Variants in ZIK1 observed in about 807,000 individuals in gnomAD.
ZIK1 encodes the protein zinc finger protein interacting with ribonucleoprotein K.
Under a neutral mutation model 10.7 loss-of-function variants are expected in ZIK1, and 12 were observed. The ratio of observed to expected loss-of-function variants is 1.12; its 90% CI spans 0.72 to 1.81. The LOEUF (loss-of-function observed/expected upper bound fraction) is 1.81, where lower values mean the gene tolerates loss of function less well. ZIK1 is among the 40% of genes most tolerant of loss of function. The probability of loss-of-function intolerance (pLI) is 0.00; values close to 1 mark genes in which losing one functional copy is unlikely to be tolerated. For synonymous variants in ZIK1, 190 were observed against 205.0 expected, an observed-to-expected ratio of 0.93 and a Z score of 0.63; for missense variants, 497 against 585.7, an observed-to-expected ratio of 0.85 and a Z score of 1.56.
At position 57,590,619 on chromosome 19, in the gene ZIK1, A is replaced by C. The variant is rs1295133781; in HGVS notation, c.808A>C (p.Asn270His). Reference protein sequence around the residue: ...VHTGERPWECNECGKFFSQTS... With the variant: ...VHTGERPWECHECGKFFSQTS... Reference sequence around the variant, plus strand: ...TACTGGAGAAAGGCCTTGGGAGTGCAATGAATGTGGAAAATTCTTTAGCCA... The same window carrying C: ...TACTGGAGAAAGGCCTTGGGAGTGCCATGAATGTGGAAAATTCTTTAGCCA... Residue 270 changes from asparagine to histidine, a missense_variant, in exon 4 of 4, where the codon AAT becomes CAT. Coordinates refer to ENST00000597850, the MANE Select transcript of ZIK1 (RefSeq NM_001010879.4). The C allele has an allele frequency of 1.9e-6, 3 of 1,613,972 alleles. No individual in the cohort carries two copies. In the African/African-American group the frequency reaches 4.0e-5, roughly 22 times the overall value.
chr19:57,586,437 C>T (rs1448792702), intron 2 of ZIK1, among the ~76,000 whole-genome samples: 3 of 152,092 alleles, frequency 2.0e-5, no homozygotes, highest in Admixed American at 1.3e-4. Context: ...GTGGCAGGCA[C>T]CTGTAATCCC....
At chr19:57,586,705 T>C (rs1382579755) in intron 2 of ZIK1, among the ~76,000 whole-genome samples, 3 of 152,198 alleles carry the variant, frequency 2.0e-5, no homozygotes, top group Non-Finnish European at 4.4e-5. Flanking sequence ...GAGGATGATC[T>C]GGTGTATCAG....
At position 57,584,365 on chromosome 19, in the gene ZIK1, G is replaced by T; in HGVS notation, c.9G>T (p.Ala3=). Residue 3 remains alanine (A), a synonymous_variant, in exon 1 of 4, where the codon GCG becomes GCT. Coordinates refer to ENST00000597850, the MANE Select transcript of ZIK1 (RefSeq NM_001010879.4). Reference sequence around the variant, plus strand: ...TCTGCCCACAGACTCCGATGGCTGCGGCCGCGCTGAGGGCCCCGACTCAGG... The same window carrying T: ...TCTGCCCACAGACTCCGATGGCTGCTGCCGCGCTGAGGGCCCCGACTCAGG... MA[A]AALRAPTQVT... is the part of the protein sequence containing the mutation. 6.2e-7 allele frequency: 1 copy of T among 1,603,576 alleles called. No individual in the cohort carries two copies. The highest frequency in any genetic ancestry group is 8.5e-7 in the Non-Finnish European group (1 of 1,175,990).
intron 2 of ZIK1, 97 bp from the exon 3 acceptor site, chr19:57,588,442 C>A: frequency 7.7e-7 from 1 of 1,296,772 alleles, no homozygotes; most frequent in South Asian, 2.6e-5. Flanking sequence ...GCATCTGTGT[C>A]ACCAGGGCCT....
chr19:57,590,488 C>G lies in ZIK1; in HGVS notation c.677C>G (p.Pro226Arg). ...AAGGCTTCCAGGCACAAACACACTC[C>G]TGTTTACCATCCAAGAGTCTACACT... is the stretch of plus-strand genomic sequence containing the variant. ...CGKASRHKHT[P>R]VYHPRVYTGK... Residue 226 changes from proline to arginine, a missense_variant, in exon 4 of 4, where the codon CCT (proline) becomes CGT (arginine). By Grantham distance (103) the Pro-to-Arg change is moderately radical. Transcript: ENST00000597850. The G allele has an allele frequency of 1.2e-6, 2 of 1,613,722 alleles. No individual in the cohort carries two copies. Among genetic ancestry groups the G allele is most frequent in the Non-Finnish European group, 1.7e-6 (2 of 1,179,920 alleles).
At position 57,586,494 on chromosome 19, in the gene ZIK1, C is replaced by T. The variant is rs186152643; in HGVS notation, c.72+1504C>T. On this transcript the variant is annotated intron_variant, in intron 2 of 3. Coordinates refer to ENST00000597850, the MANE Select transcript of ZIK1 (RefSeq NM_001010879.4). The stretch of plus-strand genomic sequence containing the variant: ...AGGAGAATTGCTTGAGCCCAGGAGG[C>T]GGAGGTTGCAGTGAGCCAAGATCAC... 9.8e-3 allele frequency among the ~76,000 whole-genome samples: 1,487 copies of T among 152,138 alleles called. 25 individuals are homozygous for T. The highest frequency in any genetic ancestry group is 0.032 in the African/African-American group (1,337 of 41,496).
chr19:57,591,002 C>G lies in ZIK1; in HGVS notation c.1191C>G (p.His397Gln). Reference sequence around the variant, plus strand: ...GTCAAAAAGCTACCCTCATTAAACACCAGAGAGTTCACACTGGAGAAAGGC... The same window carrying G: ...GTCAAAAAGCTACCCTCATTAAACAGCAGAGAGTTCACACTGGAGAAAGGC... ...SFSQKATLIK[H>Q]QRVHTGERPY... The change falls in exon 4 of 4, where the codon CAC (histidine) becomes CAG (glutamine). Residue 397 changes from histidine to glutamine, a missense_variant. Transcript: ENST00000597850. 1.9e-6 allele frequency: 3 copies of G among 1,614,074 alleles called. No homozygotes were observed. Among genetic ancestry groups the G allele is most frequent in the Non-Finnish European group, 2.5e-6 (3 of 1,180,028 alleles).
chr19:57,584,791 A>G (rs898546393), intron 1 of ZIK1, among the ~76,000 whole-genome samples, 161 bp from the exon 2 acceptor site: 1 of 152,226 alleles, frequency 6.6e-6, no homozygotes, highest in African/African-American at 2.4e-5. Context: ...AAGGTCCCAC[A>G]GTTGCTAAGA....
In ZIK1 at chr19:57,591,524, T is replaced by G. The variant is rs1979698119; in HGVS notation, c.*249T>G. ...GCACAGTGGGCACTGGTCACTCCTATGTGCTAAGACAAGGCAGACATCTGT... is the reference window on the plus strand; with the variant it reads ...GCACAGTGGGCACTGGTCACTCCTAGGTGCTAAGACAAGGCAGACATCTGT... On this transcript the variant is annotated 3_prime_UTR_variant, in exon 4 of 4. Coordinates refer to ENST00000597850, the MANE Select transcript of ZIK1 (RefSeq NM_001010879.4). The G allele has an allele frequency of 3.9e-6, 2 of 511,138 alleles. No homozygotes were observed. The highest frequency in any genetic ancestry group is 6.9e-6 in the Non-Finnish European group (2 of 289,172). 31.7% of individuals were successfully genotyped at this position (511,138 alleles called of 1,614,324 possible).
At chr19:57,589,806 C>A in intron 3 of ZIK1, 1 of 729,566 alleles carries the variant, frequency 1.4e-6, no homozygotes, top group Non-Finnish European at 1.7e-6. Context: ...TTCATCCCAT[C>A]CTTGTGTCCT....
chr19:57,589,784 C>T, intron 3 of ZIK1: 1 of 811,684 alleles, frequency 1.2e-6, no homozygotes, highest in Non-Finnish European at 1.5e-6. Flanking sequence ...AAGGCAATGC[C>T]ATTCCCTGTC....
rs1300542325 is a variant in ZIK1 at position 57,592,581 on chromosome 19, T to G, written c.*1306T>G. 6.6e-6 allele frequency: 1 copy of G among 152,230 alleles called. No homozygotes were observed. The highest frequency in any genetic ancestry group is 2.4e-5 in the African/African-American group (1 of 41,470). 9.4% of individuals were successfully genotyped at this position (152,230 alleles called of 1,614,324 possible). Reference sequence around the variant, plus strand: ...AGGCCAGGGATGTATTGATAGCTCTTGTGATTTCCACCAGTGTTGCTGTTG... The same window carrying G: ...AGGCCAGGGATGTATTGATAGCTCTGGTGATTTCCACCAGTGTTGCTGTTG... On this transcript the variant is annotated 3_prime_UTR_variant, in exon 4 of 4. Coordinates refer to ENST00000597850, the MANE Select transcript of ZIK1 (RefSeq NM_001010879.4).
Position 57,591,332 on chromosome 19 carries a change from T to C in ZIK1, c.*57T>C. On this transcript the variant is annotated 3_prime_UTR_variant, in exon 4 of 4. Coordinates refer to ENST00000597850, the MANE Select transcript of ZIK1 (RefSeq NM_001010879.4). ...CCTTCAACTCAAGATCTATCATCAT[T>C]TAGCTCCTGAAAGTCCACACTTAAG... 1 of 1,518,536 alleles carries C rather than the reference T, an allele frequency of 6.6e-7. No individual in the cohort carries two copies. Among genetic ancestry groups the C allele is most frequent in the Non-Finnish European group, 8.9e-7 (1 of 1,125,122 alleles). 94.1% of individuals were successfully genotyped at this position (1,518,536 alleles called of 1,614,324 possible). A position where few individuals can be genotyped will look rare whatever the true frequency, so the allele number is the denominator to read the frequency against.
Position 57,584,237 on chromosome 19 carries a change from G to C in ZIK1, c.-120G>C. 6.9e-7 allele frequency: 1 copy of C among 1,453,950 alleles called. No individual in the cohort carries two copies. The highest frequency in any genetic ancestry group is 2.4e-5 in the Admixed American group (1 of 41,428). 90.1% of individuals were successfully genotyped at this position (1,453,950 alleles called of 1,614,324 possible). A position where few individuals can be genotyped will look rare whatever the true frequency, so the allele number is the denominator to read the frequency against. Reference sequence around the variant, plus strand: ...GCGACAGTCGGAAGGCGCGAGGGGAGGGGTCCTCCCGCTGAACAGTGGGGG... The same window carrying C: ...GCGACAGTCGGAAGGCGCGAGGGGACGGGTCCTCCCGCTGAACAGTGGGGG... On this transcript the variant is annotated 5_prime_UTR_variant, in exon 1 of 4. Coordinates refer to ENST00000597850, the MANE Select transcript of ZIK1 (RefSeq NM_001010879.4).
chr19:57,584,710 A>T (rs1047667640), intron 1 of ZIK1: 1 of 1,211,966 alleles, frequency 8.3e-7, no homozygotes, highest in African/African-American at 1.5e-5. Flanking sequence ...GAAGTTTTCC[A>T]AAAACCTCAT....
intron 3 of ZIK1, 72 bp downstream of exon 3, chr19:57,588,737 G>C: frequency 7.3e-7 from 1 of 1,366,572 alleles, no homozygotes. Context: ...ACTTTCTTGG[G>C]ATATGTGCTA....
At chr19:57,585,147 T>C (rs1979027032) in intron 2 of ZIK1, among the ~76,000 whole-genome samples, 157 bp downstream of exon 2, 1 of 152,226 alleles carries the variant, frequency 6.6e-6, no homozygotes, top group Non-Finnish European at 1.5e-5. Flanking sequence ...TTGTAGACGT[T>C]CTTATTGCTG....
intron 2 of ZIK1, among the ~76,000 whole-genome samples, chr19:57,587,489 CAAAG>C (rs1198877626): frequency 6.6e-6 from 1 of 152,112 alleles, no homozygotes; most frequent in Non-Finnish European, 1.5e-5. Context: ...TGCTCTTAAA[CAAAG>C]AGGCCAGAGA....
At position 57,591,504 on chromosome 19, in the gene ZIK1, G is replaced by T; in HGVS notation, c.*229G>T. 1 of 552,046 alleles carries T rather than the reference G, an allele frequency of 1.8e-6. No individual in the cohort carries two copies. The highest frequency in any genetic ancestry group is 2.7e-5 in the South Asian group (1 of 36,510). 34.2% of individuals were successfully genotyped at this position (552,046 alleles called of 1,614,324 possible). A position where few individuals can be genotyped will look rare whatever the true frequency, so the allele number is the denominator to read the frequency against. ...CATCTACCCTCTACCACCTTGCACA[G>T]TGGGCACTGGTCACTCCTATGTGCT... On this transcript the variant is annotated 3_prime_UTR_variant, in exon 4 of 4. Transcript: ENST00000597850.
Sources: gnomAD v4.1 joint callset for allele counts (sites outside exome capture counted in the v4.1 genomes callset) on GRCh38, gnomAD v4.1.1 for gene constraint, MANE v1.5 for transcripts, NCBI Gene and HGNC (gene_info 2026-07-23, HGNC 2026-07-21) for gene names.